Variants in NFXL1 observed in about 807,000 individuals in gnomAD.
The protein encoded by NFXL1 is nuclear transcription factor, X-box binding like 1.
A neutral mutation model predicts 123.3 loss-of-function variants in NFXL1; 66 were observed. The observed-to-expected ratio is 0.54, with a 90% CI of 0.44 to 0.66. NFXL1 has a LOEUF of 0.66. NFXL1 is among the 30% of genes least tolerant of loss of function. The pLI is 0.00. For missense variants in NFXL1, 944 were observed against 1,125.6 expected (o/e 0.84, Z 2.31); for synonymous variants, 346 against 360.8 (o/e 0.96, Z 0.46).
At position 47,910,886 on chromosome 4, in the gene NFXL1, T is replaced by C; in HGVS notation, c.344A>G (p.Asp115Gly). 6.2e-7 allele frequency: 1 copy of C among 1,604,124 alleles called. No homozygotes were observed. Reference protein sequence around the residue: ...FSSSSEEGDEDFEGKQGKILA... With the variant: ...FSSSSEEGDEGFEGKQGKILA... ...TATTTTTCCCTGTTTTCCTTCAAAA[T>C]CTTCATCTCCTTCTTCAGATGAAGA... The change falls in exon 3 of 23, where the codon GAT becomes GGT. Residue 115 changes from aspartate (D) to glycine (G), a missense_variant. Coordinates refer to ENST00000507489, the MANE Select transcript of NFXL1 (RefSeq NM_001278624.2).
At chr4:47,896,732 G>A (rs1214513584) in intron 9 of NFXL1, 85 bp from the exon 10 acceptor site, 1 of 862,200 alleles carries the variant, frequency 1.2e-6, no homozygotes, top group Non-Finnish European at 1.8e-6. Flanking sequence ...GGCTCCCTAA[G>A]GAATGCTAGC....
chr4:47,848,498 T>A (rs1322884083), intron 22 of NFXL1, among the ~76,000 whole-genome samples, 162 bp from the exon 23 acceptor site: 1 of 152,220 alleles, frequency 6.6e-6, no homozygotes, highest in Non-Finnish European at 1.5e-5. Context: ...ACTGATTGTA[T>A]TCAACAAATT....
Position 47,899,118 on chromosome 4 carries a change from G to T in NFXL1, c.829C>A (p.Pro277Thr). 2 of 1,521,498 alleles carry T rather than the reference G, an allele frequency of 1.3e-6. No homozygotes were observed. The highest frequency in any genetic ancestry group is 1.2e-5 in the South Asian group (1 of 81,130). The allele number at this position is 1,521,498 out of a possible 1,614,324, so 94.2% of individuals were successfully genotyped here. The change falls in exon 7 of 23, where the codon CCC becomes ACC. Residue 277 changes from proline to threonine, a missense_variant and splice_region_variant. Coordinates refer to ENST00000507489, the MANE Select transcript of NFXL1 (RefSeq NM_001278624.2). ...ACCATCTTTGGACAAGGAGGGCAGG[G>T]ACCTAGAATTCAGTAAAAGCAAAAA... ...HKCLLLCHPG[P>T]CPPCPKMVTT...
At chr4:47,887,640 C>G (rs1235799334) in intron 12 of NFXL1, among the ~76,000 whole-genome samples, 2 of 152,150 alleles carry the variant, frequency 1.3e-5, no homozygotes, top group Non-Finnish European at 2.9e-5. Context: ...AGTCGGTTCT[C>G]ATTCGGCATA....
chr4:47,899,571 TA>T lies in NFXL1; in HGVS notation c.648-24del, dbSNP rs1737275061. The T allele has an allele frequency of 2.0e-6, 3 of 1,493,424 alleles. No homozygotes were observed. The South Asian group carries it at 3.4e-5, about 17-fold the overall frequency. 92.5% of individuals were successfully genotyped at this position (1,493,424 alleles called of 1,614,324 possible). A position where few individuals can be genotyped will look rare whatever the true frequency, so the allele number is the denominator to read the frequency against. On this transcript the variant is annotated intron_variant, in intron 5 of 22. Transcript: ENST00000507489. ...GGACTACAAAGAAGAAGAAAATTAT[TA>T]AAGCTAACTTCACCTTTAAAAGCAA...
intron 18 of NFXL1, among the ~76,000 whole-genome samples, chr4:47,863,479 C>T (rs1324265077): frequency 6.6e-6 from 1 of 151,964 alleles, no homozygotes; most frequent in Admixed American, 6.6e-5. Flanking sequence ...GCTGGGAGTT[C>T]GAGACCAGCC....
chr4:47,865,798 A>G (rs1052823256), intron 18 of NFXL1, among the ~76,000 whole-genome samples: 13 of 151,928 alleles, frequency 8.6e-5, no homozygotes, highest in Non-Finnish European at 1.8e-4. Flanking sequence ...GTGAACTGCC[A>G]GAGCCCAGGA....
chr4:47,856,527 A>G (rs1465795572), intron 19 of NFXL1, among the ~76,000 whole-genome samples: 3 of 152,200 alleles, frequency 2.0e-5, no homozygotes, highest in Middle Eastern at 3.4e-3. Flanking sequence ...TAAACATTTA[A>G]ATTCTCTAAT....
intron 5 of NFXL1, among the ~76,000 whole-genome samples, chr4:47,901,951 GT>G (rs1190606565): frequency 6.6e-6 from 1 of 152,190 alleles, no homozygotes; most frequent in East Asian, 1.9e-4. Context: ...AGGGGCCAAG[GT>G]GGGTGGATCA....
intron 5 of NFXL1, 28 bp from the exon 6 acceptor site, chr4:47,899,576 C>T: frequency 6.9e-7 from 1 of 1,443,634 alleles, no homozygotes; most frequent in Non-Finnish European, 9.7e-7. Context: ...ATTATTAAAG[C>T]TAACTTCACC....
chr4:47,870,587 G>C (rs1252757599), intron 18 of NFXL1, among the ~76,000 whole-genome samples: 2 of 145,092 alleles, frequency 1.4e-5, no homozygotes, highest in East Asian at 3.9e-4. Flanking sequence ...TGTAAAGAAA[G>C]AGACCAAAAC....
chr4:47,897,858 C>T (rs1231441451), intron 9 of NFXL1, 109 bp downstream of exon 9: 7 of 625,070 alleles, frequency 1.1e-5, no homozygotes, highest in Non-Finnish European at 1.6e-5. Flanking sequence ...AGACTGGCTT[C>T]TTTCATTTAG....
intron 17 of NFXL1, 113 bp downstream of exon 17, chr4:47,878,412 C>CA: frequency 2.5e-6 from 2 of 794,794 alleles, no homozygotes; most frequent in East Asian, 2.7e-5. Context: ...GGGATGAGGG[C>CA]AAAAAAAGAG....
intron 5 of NFXL1, 73 bp from the exon 6 acceptor site, chr4:47,899,621 A>C (rs1038383247): frequency 2.2e-6 from 2 of 905,498 alleles, no homozygotes; most frequent in Non-Finnish European, 3.5e-6. Flanking sequence ...AATATACTTA[A>C]CAGAGTATAT....
intron 3 of NFXL1, 134 bp from the exon 4 acceptor site, chr4:47,905,480 T>G (rs1257490055): frequency 6.6e-6 from 3 of 456,648 alleles, no homozygotes; most frequent in Non-Finnish European, 3.9e-6. Context: ...AACAAGAAGT[T>G]TTTTTTAAAA....
chr4:47,897,553 G>A (rs969714306), intron 9 of NFXL1, among the ~76,000 whole-genome samples: 2 of 151,934 alleles, frequency 1.3e-5, no homozygotes, highest in African/African-American at 2.4e-5. Flanking sequence ...CCACCAGACT[G>A]GTACATTTGT....
chr4:47,900,435 C>A (rs1315954500), intron 5 of NFXL1, among the ~76,000 whole-genome samples: 2 of 152,160 alleles, frequency 1.3e-5, no homozygotes, highest in African/African-American at 4.8e-5. Context: ...GGTCTTAACT[C>A]CTGACCTCAA....
chr4:47,888,582 A>C (rs1421856613), intron 12 of NFXL1, among the ~76,000 whole-genome samples: 1 of 152,168 alleles, frequency 6.6e-6, no homozygotes, highest in African/African-American at 2.4e-5. Flanking sequence ...TCTACCAAAA[A>C]ATATCAAAAC....
In NFXL1 at chr4:47,903,330, C is replaced by G. The variant is rs1489711947; in HGVS notation, c.517-7G>C. 6.7e-7 allele frequency: 1 copy of G among 1,503,730 alleles called. No individual in the cohort carries two copies. Among genetic ancestry groups the G allele is most frequent in the Non-Finnish European group, 8.9e-7 (1 of 1,129,176 alleles). 93.1% of individuals were successfully genotyped at this position (1,503,730 alleles called of 1,614,324 possible). A position where few individuals can be genotyped will look rare whatever the true frequency, so the allele number is the denominator to read the frequency against. On this transcript the variant is annotated splice_polypyrimidine_tract_variant and splice_region_variant and intron_variant, in intron 4 of 22. Transcript: ENST00000507489. ...ATCCCGAACAGCTCCAAACCTAAGA[C>G]AAATGTATCAGAAGTTAATATATGT...
Sources: gnomAD v4.1 joint callset for allele counts (sites outside exome capture counted in the v4.1 genomes callset) on GRCh38, gnomAD v4.1.1 for gene constraint, MANE v1.5 for transcripts, NCBI Gene and HGNC (gene_info 2026-07-23, HGNC 2026-07-21) for gene names.